DES: variants seen among roughly 807,000 people sequenced by gnomAD.
The protein encoded by DES is desmin, also known as cardiomyopathy, dilated 1F (autosomal dominant).
DES carries 34 observed loss-of-function variants against 55.1 expected under a neutral mutation model. The ratio of observed to expected loss-of-function variants is 0.62; its 90% CI spans 0.47 to 0.82. The LOEUF (loss-of-function observed/expected upper bound fraction) is 0.82. DES is among the 40% of genes least tolerant of loss of function. The pLI is 0.00. For synonymous variants in DES, 259 were observed against 270.8 expected (o/e 0.96, Z 0.43); for missense variants, 596 against 645.9 (o/e 0.92, Z 0.84).
At chr2:219,424,225 A>T (rs908239392) in intron 7 of DES, among the ~76,000 whole-genome samples, 1 of 152,174 alleles carries the variant, frequency 6.6e-6, no homozygotes. Flanking sequence ...GCCAAGCCCC[A>T]CCTTGGCTGC....
rs1246874455 is a variant in DES, at chr2:219,419,510, T to TG, written c.578+475dup. On this transcript the variant is annotated intron_variant, in intron 1 of 8. Transcript: ENST00000373960. This position sits in a 1 kb window ranked among gnomAD's most constrained non-coding sequence, Gnocchi z 4.3. ...TCTCAGCTCAGCTGTGATGAGGCCC[T>TG]GGGGGAGGTGGGGGGAGGGGGGAGC... is the stretch of plus-strand genomic sequence containing the variant. 1.6e-5 allele frequency among the ~76,000 whole-genome samples: 1 copy of TG among 61,328 alleles called. No individual in the cohort carries two copies. Among genetic ancestry groups the TG allele is most frequent in the Non-Finnish European group, 3.1e-5 (1 of 31,936 alleles). The allele number at this position is 61,328 out of a possible 152,430, so 40.2% of individuals were successfully genotyped here.
rs1043974105 is a variant in DES at position 219,418,388 on chromosome 2, C to T, written c.-75C>T. 5 of 1,446,484 alleles carry T rather than the reference C, an allele frequency of 3.5e-6. No homozygotes were observed. The African/African-American group carries it at 7.3e-5, about 21-fold the overall frequency. 89.6% of individuals were successfully genotyped at this position (1,446,484 alleles called of 1,614,324 possible). A position where few individuals can be genotyped will look rare whatever the true frequency, so the allele number is the denominator to read the frequency against. ...CGGCTGGGGGCCCTGTCTCCCCTCG[C>T]CGCATCCACTCTCCGGCCGGCCGCC... On this transcript the variant is annotated 5_prime_UTR_variant, in exon 1 of 9. Transcript: ENST00000373960.
chr2:219,421,586 T>G (rs1575015099), intron 6 of DES, 26 bp downstream of exon 6: 1 of 1,608,226 alleles, frequency 6.2e-7, no homozygotes, highest in Middle Eastern at 1.8e-4. Flanking sequence ...GGAGCCCGAG[T>G]GGGAGGTGCG....
At position 219,418,650 on chromosome 2, in the gene DES, C is replaced by A. The variant is rs1345937895; in HGVS notation, c.188C>A (p.Ala63Asp). ...CAGGTGTCGCGCACGTCGGGCGGGG[C>A]CGGGGGCCTGGGGTCGCTGCGGGCC... is the stretch of plus-strand genomic sequence containing the variant. ...VYQVSRTSGGAGGLGSLRASR... is the reference protein window; with the variant it reads ...VYQVSRTSGGDGGLGSLRASR... Residue 63 changes from alanine to aspartate, a missense_variant, in exon 1 of 9, where the codon GCC becomes GAC. Coordinates refer to ENST00000373960, the MANE Select transcript of DES (RefSeq NM_001927.4). 4 of 1,595,018 alleles carry A rather than the reference C, an allele frequency of 2.5e-6. No individual in the cohort carries two copies. The Admixed American group carries it at 5.2e-5, about 21-fold the overall frequency.
chr2:219,422,461 A>ATTTTTTTTTTTTT (rs1954462754), intron 6 of DES, among the ~76,000 whole-genome samples: 1 of 41,898 alleles, frequency 2.4e-5, no homozygotes. Flanking sequence ...AATGTTCTAT[A>ATTTTTTTTTTTTT]TCTTTTTTTT....
Position 219,420,938 on chromosome 2 carries a change from C to A in DES, c.1008C>A (p.Asp336Glu), listed in dbSNP as rs531293539. 1 of 1,613,592 alleles carries A rather than the reference C, an allele frequency of 6.2e-7. No individual in the cohort carries two copies. Among genetic ancestry groups the A allele is most frequent in the South Asian group, 1.1e-5 (1 of 91,036 alleles). ...HQIQSYTCEI[D>E]ALKGTNDSLM... is the part of the protein sequence containing the mutation. ...TCCAGTCCTACACCTGCGAGATTGA[C>A]GCCCTGAAGGGCACTGTGAGTCCCT... The change falls in exon 5 of 9, where the codon GAC (aspartate) becomes GAA (glutamate). Residue 336 changes from aspartate (D) to glutamate (E), a missense_variant. By Grantham distance (45) the Asp-to-Glu change is conservative. Transcript: ENST00000373960. The surrounding 1 kb of genome is among the most constrained non-coding windows in gnomAD (Gnocchi z 6.0).
chr2:219,423,925 G>A lies in DES; in HGVS notation c.1288+105G>A, dbSNP rs553316521. On this transcript the variant is annotated intron_variant, in intron 7 of 8. Coordinates refer to ENST00000373960, the MANE Select transcript of DES (RefSeq NM_001927.4). ...AGGGAGGATGGGACCCTGGGGCTAG[G>A]GACAGACCTGGAGTCTGGGGAAGAA... 20 of 1,272,514 alleles carry A rather than the reference G, an allele frequency of 1.6e-5. 1 individual carries two copies. In the East Asian group the frequency reaches 4.4e-4, roughly 28 times the overall value. 78.8% of individuals were successfully genotyped at this position (1,272,514 alleles called of 1,614,324 possible).
chr2:219,421,011 C>T, intron 5 of DES, 58 bp downstream of exon 5: 1 of 1,589,920 alleles, frequency 6.3e-7, no homozygotes, highest in Non-Finnish European at 8.5e-7. Context: ...TTCACACCCT[C>T]ACTTTGTGAC....
Position 219,425,691 on chromosome 2 carries a change from G to T in DES, c.1317G>T (p.Glu439Asp). The T allele has an allele frequency of 6.3e-7, 1 of 1,592,462 alleles. No homozygotes were observed. The highest frequency in any genetic ancestry group is 2.3e-5 in the East Asian group (1 of 44,128). ...RETSPEQRGS[E>D]VHTKKTVMIK... ...CCAGCCCTGAGCAAAGGGGTTCTGA[G>T]GTCCATACCAAGAAGACGGTGATGA... The change falls in exon 8 of 9, where the codon GAG becomes GAT. Residue 439 changes from glutamate (E) to aspartate (D), a missense_variant. Coordinates refer to ENST00000373960, the MANE Select transcript of DES (RefSeq NM_001927.4).
chr2:219,419,027 C>T lies in DES; in HGVS notation c.565C>T (p.Arg189Trp), dbSNP rs1223277151. Residue 189 changes from arginine (R) to tryptophan (W), a missense_variant, in exon 1 of 9, where the codon CGG (arginine) becomes TGG (tryptophan). Coordinates refer to ENST00000373960, the MANE Select transcript of DES (RefSeq NM_001927.4). The surrounding 1 kb of genome is among the most constrained non-coding windows in gnomAD (Gnocchi z 4.3). Reference protein sequence around the residue: ...ERDNLLDDLQRLKAKLQEEIQ... With the variant: ...ERDNLLDDLQWLKAKLQEEIQ... ...CGACAACCTGCTCGACGACCTGCAG[C>T]GGCTCAAGGCCAAGTGAGGGCCCGG... The T allele has an allele frequency of 1.9e-6, 3 of 1,541,930 alleles. No homozygotes were observed. The highest frequency in any genetic ancestry group is 2.4e-5 in the East Asian group (1 of 40,918).
At position 219,426,182 on chromosome 2, in the gene DES, T is replaced by C. The variant is rs1954533684; in HGVS notation, c.*192T>C. 8.4e-6 allele frequency: 6 copies of C among 712,362 alleles called. No homozygotes were observed. Among genetic ancestry groups the C allele is most frequent in the Middle Eastern group, 2.9e-4 (1 of 3,500 alleles). The allele number at this position is 712,362 out of a possible 1,614,324, so 44.1% of individuals were successfully genotyped here. A position where few individuals can be genotyped will look rare whatever the true frequency, so the allele number is the denominator to read the frequency against. Reference sequence around the variant, plus strand: ...CCCATCCCTGCCTGGTCACAGGGCATGCCCCGGCCACCTCTGCGGACCCCA... The same window carrying C: ...CCCATCCCTGCCTGGTCACAGGGCACGCCCCGGCCACCTCTGCGGACCCCA... On this transcript the variant is annotated 3_prime_UTR_variant, in exon 9 of 9. Transcript: ENST00000373960. This position sits in a 1 kb window ranked among gnomAD's most constrained non-coding sequence, Gnocchi z 4.5.
At position 219,423,791 on chromosome 2, in the gene DES, T is replaced by C. The variant is rs948600065; in HGVS notation, c.1259T>C (p.Ile420Thr). The C allele has an allele frequency of 2.5e-6, 4 of 1,613,872 alleles. No individual in the cohort carries two copies. The East Asian group carries it at 6.7e-5, about 27-fold the overall frequency. The change falls in exon 7 of 9, where the codon ATC (isoleucine) becomes ACC (threonine). Residue 420 changes from isoleucine to threonine, a missense_variant. Physicochemically the swap from Ile to Thr is moderately conservative, Grantham distance 89. Coordinates refer to ENST00000373960, the MANE Select transcript of DES (RefSeq NM_001927.4). ...TTCCCTTTTAGGATCAATCTCCCCA[T>C]CCAGACCTACTCTGCCCTCAACTTC... ...EGEESRINLP[I>T]QTYSALNFRE...
At position 219,419,182 on chromosome 2, in the gene DES, C is replaced by T. The variant is rs1954388182; in HGVS notation, c.578+142C>T. 2.7e-6 allele frequency: 4 copies of T among 1,464,056 alleles called. No individual in the cohort carries two copies. The Admixed American group carries it at 9.7e-5, about 36-fold the overall frequency. 90.7% of individuals were successfully genotyped at this position (1,464,056 alleles called of 1,614,324 possible). A position where few individuals can be genotyped will look rare whatever the true frequency, so the allele number is the denominator to read the frequency against. On this transcript the variant is annotated intron_variant, in intron 1 of 8. Transcript: ENST00000373960. The surrounding 1 kb of genome is among the most constrained non-coding windows in gnomAD (Gnocchi z 4.3). ...TGCCCCATGTGGAGAAAGGGTCCTC[C>T]ACCTGTGTGTTTCAAGGGGCCGTGA...
At chr2:219,423,210 G>A (rs954911141) in intron 6 of DES, among the ~76,000 whole-genome samples, 23 of 152,278 alleles carry the variant, frequency 1.5e-4, no homozygotes, top group African/African-American at 5.3e-4. Flanking sequence ...GCTCTGGAGG[G>A]CGCGGTGGGG....
In DES at chr2:219,426,690, G is replaced by C. The variant is rs1323805880; in HGVS notation, c.*700G>C. 6.4e-6 allele frequency: 1 copy of C among 156,610 alleles called. No homozygotes were observed. Among genetic ancestry groups the C allele is most frequent in the African/African-American group, 2.4e-5 (1 of 41,424 alleles). 9.7% of individuals were successfully genotyped at this position (156,610 alleles called of 1,614,324 possible). ...ACCTCCCCACGCCCTCCCCTCCCCT[G>C]CTGCAGGGGCTCTGGAGAGAAACAA... On this transcript the variant is annotated 3_prime_UTR_variant, in exon 9 of 9. Coordinates refer to ENST00000373960, the MANE Select transcript of DES (RefSeq NM_001927.4). The surrounding 1 kb of genome is among the most constrained non-coding windows in gnomAD (Gnocchi z 4.5).
rs1473412167 is a variant in DES at position 219,419,957 on chromosome 2, C to T, written c.579-138C>T. ...TGGGTGGGTGGGGCCTCTCCACTCC[C>T]TGTCTCTCCTGCCTCTACCCAGCAG... On this transcript the variant is annotated intron_variant, in intron 1 of 8. Coordinates refer to ENST00000373960, the MANE Select transcript of DES (RefSeq NM_001927.4). This position sits in a 1 kb window ranked among gnomAD's most constrained non-coding sequence, Gnocchi z 4.3. 1.2e-5 allele frequency: 11 copies of T among 886,448 alleles called. No individual in the cohort carries two copies. Among genetic ancestry groups the T allele is most frequent in the Non-Finnish European group, 2.0e-5 (11 of 538,852 alleles). The allele number at this position is 886,448 out of a possible 1,614,324, so 54.9% of individuals were successfully genotyped here.
rs1339030541 is a variant in DES, at chr2:219,418,762, G to A, written c.300G>A (p.Glu100=). The A allele has an allele frequency of 6.4e-7, 1 of 1,562,666 alleles. No individual in the cohort carries two copies. Among genetic ancestry groups the A allele is most frequent in the Non-Finnish European group, 8.7e-7 (1 of 1,152,944 alleles). The change falls in exon 1 of 9, where the codon GAG becomes GAA. Residue 100 remains glutamate, a synonymous_variant. Transcript: ENST00000373960. ...DFSLADAVNQ[E]FLTTRTNEKV... is the part of the protein sequence containing the mutation. ...CACTGGCCGACGCGGTGAACCAGGA[G>A]TTTCTGACCACGCGCACCAACGAGA...
At position 219,421,394 on chromosome 2, in the gene DES, G is replaced by T. The variant is rs121913000; in HGVS notation, c.1078G>T (p.Ala360Ser). The T allele has an allele frequency of 6.2e-7, 1 of 1,614,122 alleles. No homozygotes were observed. The highest frequency in any genetic ancestry group is 8.5e-7 in the Non-Finnish European group (1 of 1,180,026). ...RELEDRFASE[A>S]SGYQDNIARL... The stretch of plus-strand genomic sequence containing the variant: ...ATTGGAGGACCGATTTGCCAGTGAG[G>T]CCAGTGGCTACCAGGACAACATTGC... The change falls in exon 6 of 9, where the codon GCC becomes TCC. Residue 360 changes from alanine (A) to serine (S), a missense_variant. Transcript: ENST00000373960.
chr2:219,420,518 G>A lies in DES; in HGVS notation c.759G>A (p.Gln253=). Residue 253 remains glutamine, a synonymous_variant, in exon 4 of 9, where the codon CAG becomes CAA. Transcript: ENST00000373960. The surrounding 1 kb of genome is among the most constrained non-coding windows in gnomAD (Gnocchi z 6.0). ...HEEEIRELQA[Q]LQEQQVQVEM... ...AGGAGATCCGTGAGTTGCAGGCTCAGCTTCAGGAACAGCAGGTCCAGGTGG... is the reference window on the plus strand; with the variant it reads ...AGGAGATCCGTGAGTTGCAGGCTCAACTTCAGGAACAGCAGGTCCAGGTGG... 1.2e-6 allele frequency: 2 copies of A among 1,613,990 alleles called. No homozygotes were observed. The highest frequency in any genetic ancestry group is 1.7e-6 in the Non-Finnish European group (2 of 1,180,012).
Sources: gnomAD v4.1 joint callset for allele counts (sites outside exome capture counted in the v4.1 genomes callset) on GRCh38, gnomAD v4.1.1 for gene constraint, Gnocchi (gnomAD v3.1) non-coding constraint, MANE v1.5 for transcripts, NCBI Gene and HGNC (gene_info 2026-07-23, HGNC 2026-07-21) for gene names.